Variants in VPS13C observed in about 807,000 individuals in gnomAD.
VPS13C encodes vacuolar protein sorting 13 homolog C, also known as intermembrane lipid transfer protein VPS13C.
A neutral mutation model predicts 456.8 loss-of-function variants in VPS13C; 358 were observed. The ratio of observed to expected loss-of-function variants is 0.78; its 90% CI spans 0.72 to 0.86. VPS13C has a LOEUF of 0.86. Ranked by LOEUF, VPS13C falls within the 40% of genes least tolerant of loss-of-function variation. The pLI is 0.00. For missense variants in VPS13C, 4,818 were observed against 4,385.4 expected (o/e 1.10, Z -2.79); for synonymous variants, 1,578 against 1,486.7 (o/e 1.06, Z -1.41).
At chr15:61,932,302 T>G (rs1043052016) in intron 49 of VPS13C, among the ~76,000 whole-genome samples, 13 of 151,938 alleles carry the variant, frequency 8.6e-5, no homozygotes, top group African/African-American at 3.1e-4. Context: ...AGAAAAAACA[T>G]GAACAAACAA....
rs1455975567 is a variant in VPS13C, at chr15:61,867,926, A to C, written c.10863+733T>G. ...TCAAGTAGTAGTTTAGGAAACATTT[A>C]TTCCTGTATTTCCAGTTCTTGCTGT... On this transcript the variant is annotated intron_variant, in intron 81 of 84. Coordinates refer to ENST00000644861, the MANE Select transcript of VPS13C (RefSeq NM_020821.3). The surrounding 1 kb of genome is among the most constrained non-coding windows in gnomAD (Gnocchi z 5.0). The C allele has an allele frequency of 2.5e-6, 4 of 1,606,902 alleles. No homozygotes were observed. Among genetic ancestry groups the C allele is most frequent in the Non-Finnish European group, 3.4e-6 (4 of 1,174,992 alleles).
chr15:61,880,813 A>G lies in VPS13C; in HGVS notation c.9888+30T>C, dbSNP rs768459314. The stretch of plus-strand genomic sequence containing the variant: ...GGCTGATTTAAATTTTGTTAATTTT[A>G]TATTTTCCCCAAGAAATAAAAATTT... On this transcript the variant is annotated intron_variant, in intron 72 of 84. Transcript: ENST00000644861. 10 of 1,569,432 alleles carry G rather than the reference A, an allele frequency of 6.4e-6. No homozygotes were observed. The African/African-American group carries it at 1.1e-4, about 17-fold the overall frequency.
chr15:62,034,212 A>T (rs2047911717), intron 4 of VPS13C, among the ~76,000 whole-genome samples: 1 of 151,684 alleles, frequency 6.6e-6, no homozygotes, highest in Admixed American at 6.6e-5. Flanking sequence ...TCACTGTGAA[A>T]ACTGTGAAAC....
At position 61,907,365 on chromosome 15, in the gene VPS13C, G is replaced by T; in HGVS notation, c.9004C>A (p.Leu3002Met). ...QSGSPEEMVL[L>M]PRQARLFAWA... ...GCAAAAAGTCGAGCCTGTCTTGGCAGCAAGACCATTTCTTCTGGTGACCCA... is the reference window on the plus strand; with the variant it reads ...GCAAAAAGTCGAGCCTGTCTTGGCATCAAGACCATTTCTTCTGGTGACCCA... The change falls in exon 66 of 85, where the codon CTG (leucine) becomes ATG (methionine). Residue 3002 changes from leucine to methionine, a missense_variant. Physicochemically the swap from Leu to Met is conservative, Grantham distance 15. Coordinates refer to ENST00000644861, the MANE Select transcript of VPS13C (RefSeq NM_020821.3). 1 of 1,613,968 alleles carries T rather than the reference G, an allele frequency of 6.2e-7. No homozygotes were observed. The highest frequency in any genetic ancestry group is 8.5e-7 in the Non-Finnish European group (1 of 1,179,870).
intron 81 of VPS13C, chr15:61,864,945 TTGTA>T: frequency 1.0e-6 from 1 of 980,100 alleles, no homozygotes. Context: ...ACTTTCTATC[TTGTA>T]TGTATTTTCG....
chr15:62,039,001 G>A (rs2048154081), intron 3 of VPS13C, among the ~76,000 whole-genome samples: 1 of 152,154 alleles, frequency 6.6e-6, no homozygotes, highest in Non-Finnish European at 1.5e-5. Flanking sequence ...TACTGTTGGT[G>A]AAAATGTAGA....
chr15:61,899,397 C>T (rs1161346077), intron 66 of VPS13C, among the ~76,000 whole-genome samples: 13 of 150,978 alleles, frequency 8.6e-5, no homozygotes, highest in East Asian at 7.8e-4. Flanking sequence ...ATCAAATAGA[C>T]GCAATAAAAA....
rs760717587 is a variant in VPS13C, at chr15:61,991,811, T to C, written c.1354-9A>G. On this transcript the variant is annotated splice_polypyrimidine_tract_variant and intron_variant, in intron 16 of 84. Transcript: ENST00000644861. ...TGCCCAGACCGAATCACCTGAAAAA[T>C]AAAAATTAAAAAATTTACTTTAAGA... 2.5e-6 allele frequency: 4 copies of C among 1,603,156 alleles called. No individual in the cohort carries two copies. The South Asian group carries it at 3.4e-5, about 14-fold the overall frequency.
chr15:61,896,622 T>C (rs1190780404), intron 66 of VPS13C, among the ~76,000 whole-genome samples: 9 of 152,114 alleles, frequency 5.9e-5, no homozygotes, highest in Admixed American at 3.9e-4. Context: ...GTCTCGCTGA[T>C]TGCTAGCACA....
intron 51 of VPS13C, among the ~76,000 whole-genome samples, chr15:61,927,845 T>C (rs901973927): frequency 4.6e-4 from 70 of 152,226 alleles, no homozygotes; most frequent in African/African-American, 1.4e-3. Flanking sequence ...ATATACACCA[T>C]GGAATACTAT....
At position 61,978,635 on chromosome 15, in the gene VPS13C, C is replaced by G; in HGVS notation, c.2281G>C (p.Ala761Pro). ...CTGAATAACGGTTTACCTGCTCTTG[C>G]AAAAAGTAGTTGTACATTTTTTATT... ...VEIKNVQLLF[A>P]RAEETWKKCR... The change falls in exon 23 of 85, where the codon GCA (alanine) becomes CCA (proline). Residue 761 changes from alanine to proline, a missense_variant. By Grantham distance (27) the Ala-to-Pro change is conservative (BLOSUM62 -1). Coordinates refer to ENST00000644861, the MANE Select transcript of VPS13C (RefSeq NM_020821.3). 1 of 1,609,692 alleles carries G rather than the reference C, an allele frequency of 6.2e-7. No homozygotes were observed. The highest frequency in any genetic ancestry group is 1.3e-5 in the African/African-American group (1 of 74,688).
rs1162161722 is a variant in VPS13C at position 61,940,582 on chromosome 15, C to T, written c.5601+65G>A. On this transcript the variant is annotated intron_variant, in intron 47 of 84. Coordinates refer to ENST00000644861, the MANE Select transcript of VPS13C (RefSeq NM_020821.3). ...TCCTACATTCTGATATCCACTAGAACTGCACTATGATCAACGAGAAAAGCC... is the reference window on the plus strand; with the variant it reads ...TCCTACATTCTGATATCCACTAGAATTGCACTATGATCAACGAGAAAAGCC... 2.6e-6 allele frequency: 4 copies of T among 1,512,336 alleles called. No individual in the cohort carries two copies. In the East Asian group the frequency reaches 9.1e-5, roughly 34 times the overall value. The allele number at this position is 1,512,336 out of a possible 1,614,324, so 93.7% of individuals were successfully genotyped here.
At chr15:62,015,094 C>T (rs1202225562) in intron 9 of VPS13C, among the ~76,000 whole-genome samples, 1 of 152,070 alleles carries the variant, frequency 6.6e-6, no homozygotes, top group African/African-American at 2.4e-5. Flanking sequence ...GTATTTTTTG[C>T]ATTGTCTGCT....
chr15:61,937,845 A>T (rs2044279376), intron 47 of VPS13C, among the ~76,000 whole-genome samples: 1 of 152,202 alleles, frequency 6.6e-6, no homozygotes, highest in African/African-American at 2.4e-5. Context: ...CGAAACTGCT[A>T]CTGGCTGCTA....
chr15:61,947,251 A>T lies in VPS13C; in HGVS notation c.4818T>A (p.Asn1606Lys), dbSNP rs554160782. Residue 1606 changes from asparagine to lysine, a missense_variant, in exon 43 of 85, where the codon AAT (asparagine) becomes AAA (lysine). This residue lies in a region of VPS13C where 4,552 missense variants were observed against 4,130.6 expected (regional missense o/e 1.10). Coordinates refer to ENST00000644861, the MANE Select transcript of VPS13C (RefSeq NM_020821.3). ...GATCACAGACAAAGACATTAAATGC[A>T]TTTAATTCAGCTGTGATCTTTAAAT... is the stretch of plus-strand genomic sequence containing the variant. ...VFDLKITAEL[N>K]AFNVFVCDQK... 6.2e-7 allele frequency: 1 copy of T among 1,608,874 alleles called. No homozygotes were observed. The highest frequency in any genetic ancestry group is 8.5e-7 in the Non-Finnish European group (1 of 1,178,400).
intron 20 of VPS13C, 117 bp downstream of exon 20, chr15:61,983,703 T>C (rs916959442): frequency 1.4e-5 from 16 of 1,171,224 alleles, no homozygotes; most frequent in East Asian, 1.0e-4. Flanking sequence ...AAAAACCTAT[T>C]AGGAAACTTA....
chr15:62,013,062 G>A lies in VPS13C; in HGVS notation c.802C>T (p.Gln268Ter). 3 of 1,610,642 alleles carry A rather than the reference G, an allele frequency of 1.9e-6. No homozygotes were observed. Among genetic ancestry groups the A allele is most frequent in the South Asian group, 1.1e-5 (1 of 90,684 alleles). The change falls in exon 11 of 85, where the codon CAG (glutamine) becomes TAG (stop). Residue 268 changes from glutamine (Q) to a stop codon, truncating the protein, a stop_gained. Coordinates refer to ENST00000644861, the MANE Select transcript of VPS13C (RefSeq NM_020821.3). LOFTEE classifies it high-confidence loss of function. Reference protein sequence around the residue: ...YWNVNCSMSYQRSREQILDQL... With the variant: ...YWNVNCSMSY ...ACCAAAATCTGTTCCCTTGATCTCT[G>A]GTAAGACATGCTGCAATTTACATTC... is the stretch of plus-strand genomic sequence containing the variant.
chr15:61,869,717 T>C, intron 79 of VPS13C, 94 bp from the exon 80 acceptor site: 4 of 1,544,470 alleles, frequency 2.6e-6, no homozygotes, highest in Non-Finnish European at 2.6e-6. Context: ...TGAACTGTTT[T>C]ACCCAGGAAG....
At chr15:61,874,139 A>G (rs975750986) in intron 77 of VPS13C, among the ~76,000 whole-genome samples, 5 of 152,090 alleles carry the variant, frequency 3.3e-5, no homozygotes, top group Admixed American at 6.6e-5. Context: ...TTGAACTCAT[A>G]GAATTAGAGA....
Sources: gnomAD v4.1 joint callset for allele counts (sites outside exome capture counted in the v4.1 genomes callset) on GRCh38, gnomAD v4.1.1 for gene constraint, gnomAD v4.1.1 regional missense constraint, Gnocchi (gnomAD v3.1) non-coding constraint, MANE v1.5 for transcripts, NCBI Gene and HGNC (gene_info 2026-07-23, HGNC 2026-07-21) for gene names.